GRM7: variants seen among roughly 807,000 people sequenced by gnomAD.
The protein encoded by GRM7 is metabotropic glutamate receptor 7.
A neutral mutation model predicts 84.5 loss-of-function variants in GRM7; 35 were observed. The observed-to-expected ratio is 0.41, with a 90% CI of 0.32 to 0.55. The LOEUF (loss-of-function observed/expected upper bound fraction) is 0.55, where lower values mean the gene tolerates loss of function less well. Among genes scored for constraint, GRM7 ranks in the 20% least tolerant of loss-of-function variants. GRM7 has a pLI of 0.19. For synonymous variants in GRM7, 487 were observed against 455.1 expected (o/e 1.07, Z -0.89); for missense variants, 1,003 against 1,194.6 (o/e 0.84, Z 2.36).
intron 2 of GRM7, among the ~76,000 whole-genome samples, chr3:7,159,386 G>C (rs1256381895): frequency 1.3e-5 from 2 of 152,142 alleles, no homozygotes; most frequent in African/African-American, 2.4e-5. Flanking sequence ...CATCAGATAG[G>C]GAACAAGGGT....
At chr3:7,027,341 A>G (rs1474356403) in intron 1 of GRM7, among the ~76,000 whole-genome samples, 1 of 152,238 alleles carries the variant, frequency 6.6e-6, no homozygotes, top group African/African-American at 2.4e-5. Context: ...GAAAGATGAC[A>G]ACAGCTACCA....
intron 5 of GRM7, among the ~76,000 whole-genome samples, chr3:7,427,421 C>G (rs575381484): frequency 1.4e-4 from 21 of 152,164 alleles, no homozygotes; most frequent in African/African-American, 4.6e-4. Flanking sequence ...GGTTAAAACC[C>G]TAATAGTAAA....
intron 9 of GRM7, among the ~76,000 whole-genome samples, chr3:7,728,362 A>G (rs1348898840): frequency 2.0e-5 from 3 of 152,188 alleles, no homozygotes; most frequent in Non-Finnish European, 4.4e-5. Flanking sequence ...GTGCTTATAT[A>G]TGTTTCAAAC....
chr3:7,119,150 C>G (rs1473910365), intron 1 of GRM7, among the ~76,000 whole-genome samples: 1 of 152,084 alleles, frequency 6.6e-6, no homozygotes, highest in Non-Finnish European at 1.5e-5. Context: ...TGTGACCAAT[C>G]AGATTATTCT....
At chr3:7,475,283 C>A (rs1698876173) in intron 7 of GRM7, among the ~76,000 whole-genome samples, 1 of 152,150 alleles carries the variant, frequency 6.6e-6, no homozygotes, top group African/African-American at 2.4e-5. Context: ...TAGCAGGGAA[C>A]TTGATGCCTG....
chr3:7,651,282 GA>G (rs898502945), intron 8 of GRM7, among the ~76,000 whole-genome samples: 34 of 152,164 alleles, frequency 2.2e-4, no homozygotes, highest in African/African-American at 6.0e-4. Context: ...CCTCCTTGGG[GA>G]AAAAAAGTGC....
chr3:7,274,958 T>G (rs934885650), intron 2 of GRM7, among the ~76,000 whole-genome samples: 1 of 152,120 alleles, frequency 6.6e-6, no homozygotes, highest in African/African-American at 2.4e-5. Flanking sequence ...TTCCTGTGAT[T>G]CCTGGATATT....
intron 1 of GRM7, among the ~76,000 whole-genome samples, chr3:7,064,557 A>ATATG (rs1697579840): frequency 4.1e-5 from 2 of 48,614 alleles, no homozygotes; most frequent in Non-Finnish European, 8.1e-5. Flanking sequence ...GGATATATAT[A>ATATG]TATATATATA....
At chr3:7,347,833 A>G (rs1274111411) in intron 4 of GRM7, among the ~76,000 whole-genome samples, 1 of 152,136 alleles carries the variant, frequency 6.6e-6, no homozygotes, top group South Asian at 2.1e-4. Context: ...TTGGTCTTCA[A>G]AGTGCTTTTT....
rs143203366 is a variant in GRM7, at chr3:7,181,341, C to T, written c.736+34673C>T. On this transcript the variant is annotated intron_variant, in intron 2 of 9. Transcript: ENST00000357716. ...TCAATGCAGATTCATTCTTACCAGT[C>T]TGTAAGGGTTCTCTTTTCCTCTCTG... Among the ~76,000 whole-genome samples the T allele has an allele frequency of 1.6e-3, 245 of 152,238 alleles. 2 individuals are homozygous for T. The highest frequency in any genetic ancestry group is 5.5e-3 in the African/African-American group (230 of 41,558).
intron 5 of GRM7, among the ~76,000 whole-genome samples, chr3:7,452,395 C>T (rs943068562): frequency 6.6e-6 from 1 of 152,130 alleles, no homozygotes; most frequent in African/African-American, 2.4e-5. Flanking sequence ...TAAAATACTA[C>T]AAGCTATTAG....
intron 7 of GRM7, among the ~76,000 whole-genome samples, chr3:7,570,635 G>A (rs1694606827): frequency 1.3e-5 from 2 of 152,196 alleles, no homozygotes; most frequent in South Asian, 4.1e-4. Flanking sequence ...TCATGGGCTG[G>A]CATTGAGGGT....
At chr3:7,235,437 G>C (rs537540119) in intron 2 of GRM7, among the ~76,000 whole-genome samples, 1 of 152,090 alleles carries the variant, frequency 6.6e-6, no homozygotes, top group Non-Finnish European at 1.5e-5. Context: ...CACCAATAAG[G>C]AATTTTCTGT....
chr3:7,382,012 C>T (rs1216324885), intron 4 of GRM7, among the ~76,000 whole-genome samples: 1 of 151,946 alleles, frequency 6.6e-6, no homozygotes, highest in Non-Finnish European at 1.5e-5. Flanking sequence ...GTCCATGACC[C>T]AAAATGAGTT....
At chr3:7,114,347 TA>T (rs1692959796) in intron 1 of GRM7, among the ~76,000 whole-genome samples, 1 of 152,132 alleles carries the variant, frequency 6.6e-6, no homozygotes, top group South Asian at 2.1e-4. Context: ...CCTACTTTGT[TA>T]AAAATAATAA....
intron 5 of GRM7, among the ~76,000 whole-genome samples, chr3:7,447,516 AG>A (rs1250040998): frequency 6.6e-6 from 1 of 152,120 alleles, no homozygotes; most frequent in African/African-American, 2.4e-5. Context: ...GGTGATTTCA[AG>A]CTTGGCTAAC....
intron 1 of GRM7, among the ~76,000 whole-genome samples, chr3:7,036,368 G>T (rs1696384487): frequency 6.6e-6 from 1 of 152,172 alleles, no homozygotes; most frequent in African/African-American, 2.4e-5. Context: ...GCTTTGTGGG[G>T]TGTGGGGATG....
At chr3:7,099,061 T>C (rs1698957895) in intron 1 of GRM7, among the ~76,000 whole-genome samples, 1 of 151,694 alleles carries the variant, frequency 6.6e-6, no homozygotes, top group African/African-American at 2.4e-5. Context: ...CTATATCTTA[T>C]TTGTGCTTGA....
At chr3:6,976,692 G>T (rs191147239) in intron 1 of GRM7, among the ~76,000 whole-genome samples, 130 of 152,040 alleles carry the variant, frequency 8.6e-4, no homozygotes, top group Admixed American at 4.1e-3. Flanking sequence ...AAAAAAAAAT[G>T]GGGTCCTAAT....
Sources: gnomAD v4.1 joint callset for allele counts (sites outside exome capture counted in the v4.1 genomes callset) on GRCh38, gnomAD v4.1.1 for gene constraint, MANE v1.5 for transcripts, NCBI Gene and HGNC (gene_info 2026-07-23, HGNC 2026-07-21) for gene names.